The following MARCHF8 variants were observed in gnomAD, a reference collection of about 807,000 sequenced individuals.
The protein encoded by MARCHF8 is membrane associated ring-CH-type finger 8.
In MARCHF8, 40 loss-of-function variants were observed where a neutral mutation model predicts 51.6. The observed-to-expected ratio is 0.77, with a 90% CI of 0.60 to 1.01. The LOEUF is 1.01. MARCHF8 is among the 50% of genes least tolerant of loss of function. MARCHF8 has a pLI of 0.00. For missense variants in MARCHF8, 685 were observed against 708.6 expected (o/e 0.97, Z 0.38); for synonymous variants, 263 against 280.3 (o/e 0.94, Z 0.62).
At chr10:45,477,359 CAAG>C (rs1215041116) in intron 3 of MARCHF8, among the ~76,000 whole-genome samples, 1 of 152,128 alleles carries the variant, frequency 6.6e-6, no homozygotes, top group African/African-American at 2.4e-5. Context: ...CATGGAAGCA[CAAG>C]GACAGTATTT....
chr10:45,575,577 G>A (rs1024938100), intron 1 of MARCHF8, among the ~76,000 whole-genome samples: 13 of 152,044 alleles, frequency 8.6e-5, no homozygotes, highest in South Asian at 2.1e-4. Context: ...TTCCCATGCC[G>A]CTCCTAATCC....
chr10:45,560,338 T>C (rs2133363657), intron 1 of MARCHF8, among the ~76,000 whole-genome samples: 1 of 152,276 alleles, frequency 6.6e-6, no homozygotes, highest in East Asian at 1.9e-4. Context: ...TAGACTCTCT[T>C]ATCTGGTGCC....
intron 2 of MARCHF8, among the ~76,000 whole-genome samples, chr10:45,507,666 T>C (rs145512034): frequency 9.2e-5 from 14 of 152,220 alleles, no homozygotes; most frequent in African/African-American, 3.1e-4. Flanking sequence ...ACATCCAACA[T>C]TGGGGATAAC....
intron 2 of MARCHF8, among the ~76,000 whole-genome samples, chr10:45,515,314 C>CT (rs1438326931): frequency 2.6e-5 from 4 of 152,254 alleles, no homozygotes; most frequent in East Asian, 1.9e-4. Flanking sequence ...CATAGCCGTC[C>CT]TTTTTTCTCA....
chr10:45,573,893 G>C (rs1309453576), intron 1 of MARCHF8, among the ~76,000 whole-genome samples: 1 of 152,034 alleles, frequency 6.6e-6, no homozygotes, highest in Non-Finnish European at 1.5e-5. Flanking sequence ...CCCAACTCTG[G>C]TGCCAACTTG....
chr10:45,555,743 C>CAAAAAA (rs34811393), intron 1 of MARCHF8, among the ~76,000 whole-genome samples: 5 of 96,118 alleles, frequency 5.2e-5, no homozygotes, highest in East Asian at 6.3e-4. Context: ...GACCCTGTCT[C>CAAAAAA]AAAAAAAAAA....
chr10:45,477,450 C>T (rs987233667), intron 3 of MARCHF8, among the ~76,000 whole-genome samples: 1 of 152,052 alleles, frequency 6.6e-6, no homozygotes, highest in Non-Finnish European at 1.5e-5. Flanking sequence ...AGGACTCAAA[C>T]GTTACCACTA....
chr10:45,557,829 C>A (rs537211077), intron 1 of MARCHF8, among the ~76,000 whole-genome samples: 1 of 152,156 alleles, frequency 6.6e-6, no homozygotes, highest in Non-Finnish European at 1.5e-5. Flanking sequence ...GATGGAAAGG[C>A]CCCTGGTAAG....
At chr10:45,486,177 A>C (rs1475139523) in intron 3 of MARCHF8, among the ~76,000 whole-genome samples, 1 of 152,104 alleles carries the variant, frequency 6.6e-6, no homozygotes, top group African/African-American at 2.4e-5. Context: ...CTAAAGGCTC[A>C]CTCCACTCAG....
chr10:45,549,748 C>T (rs953521149), intron 1 of MARCHF8, among the ~76,000 whole-genome samples: 2 of 152,204 alleles, frequency 1.3e-5, no homozygotes, highest in Non-Finnish European at 2.9e-5. Context: ...GGTTAGTTAT[C>T]ATGGGAGTGG....
intron 1 of MARCHF8, among the ~76,000 whole-genome samples, chr10:45,584,006 C>CA (rs67624741): frequency 0.03 from 1,548 of 51,946 alleles, 19 homozygotes; most frequent in Non-Finnish European, 0.038. Context: ...ACTTCATTTC[C>CA]AAAAAAAAAA....
At chr10:45,579,595 C>A (rs539109313) in intron 1 of MARCHF8, among the ~76,000 whole-genome samples, 1 of 152,224 alleles carries the variant, frequency 6.6e-6, no homozygotes, top group South Asian at 2.1e-4. Flanking sequence ...CGGTAATTTT[C>A]TTTTTAGAAA....
At chr10:45,508,813 T>C (rs1313844375) in intron 2 of MARCHF8, among the ~76,000 whole-genome samples, 3 of 152,226 alleles carry the variant, frequency 2.0e-5, no homozygotes, top group Admixed American at 6.5e-5. Context: ...AGTTCATTAT[T>C]ACATTTTAAA....
intron 2 of MARCHF8, among the ~76,000 whole-genome samples, chr10:45,520,115 T>C (rs1270064858): frequency 6.6e-6 from 1 of 152,150 alleles, no homozygotes; most frequent in Admixed American, 6.5e-5. Flanking sequence ...TCCAAATCAA[T>C]CCATAAAGTG....
chr10:45,543,289 T>G (rs911636518), intron 1 of MARCHF8, among the ~76,000 whole-genome samples: 1 of 152,204 alleles, frequency 6.6e-6, no homozygotes, highest in Non-Finnish European at 1.5e-5. Flanking sequence ...CATTTAACCC[T>G]CTCTGATTCT....
intron 2 of MARCHF8, among the ~76,000 whole-genome samples, chr10:45,514,377 T>C (rs964060557): frequency 6.6e-6 from 1 of 152,240 alleles, no homozygotes; most frequent in Admixed American, 6.5e-5. Context: ...GTGCGCTCAG[T>C]GCAGCGCTTC....
In MARCHF8 at chr10:45,497,132, T is replaced by C. The variant is rs114452629; in HGVS notation, c.103-7715A>G. Among the ~76,000 whole-genome samples, 1,045 of 151,944 alleles carry C rather than the reference T, an allele frequency of 6.9e-3. 11 individuals are homozygous for C. Among genetic ancestry groups the C allele is most frequent in the African/African-American group, 0.024 (994 of 41,442 alleles). On this transcript the variant is annotated intron_variant, in intron 2 of 7. Coordinates refer to ENST00000453424, the MANE Select transcript of MARCHF8 (RefSeq NM_001282866.2). ...ACAGTAAAAGAAGCAAAAAGATACATAGCACAAAAACAACCACCATAAAAA... is the reference window on the plus strand; with the variant it reads ...ACAGTAAAAGAAGCAAAAAGATACACAGCACAAAAACAACCACCATAAAAA...
intron 1 of MARCHF8, 52 bp from the exon 2 acceptor site, chr10:45,533,341 T>TTTCCAAGAACTGAGGATTA: frequency 8.7e-7 from 1 of 1,154,042 alleles, no homozygotes; most frequent in Non-Finnish European, 1.1e-6. Context: ...ACACTTTAAA[T>TTTCCAAGAACTGAGGATTA]TTCCAAGAGT....
At chr10:45,465,355 A>G (rs1046994362) in intron 3 of MARCHF8, among the ~76,000 whole-genome samples, 8 of 152,104 alleles carry the variant, frequency 5.3e-5, no homozygotes, top group African/African-American at 1.7e-4. Context: ...ATCACCACCC[A>G]CCTTCTGCAG....
Sources: gnomAD v4.1 joint callset for allele counts (sites outside exome capture counted in the v4.1 genomes callset) on GRCh38, gnomAD v4.1.1 for gene constraint, MANE v1.5 for transcripts, NCBI Gene and HGNC (gene_info 2026-07-23, HGNC 2026-07-21) for gene names.